The following PHTF2 variants were observed in gnomAD, a reference collection of about 807,000 sequenced individuals.
PHTF2 encodes the protein protein PHTF2.
Under a neutral mutation model 101.2 loss-of-function variants are expected in PHTF2, and 60 were observed. The ratio of observed to expected loss-of-function variants is 0.59; its 90% CI spans 0.48 to 0.73. The LOEUF is 0.73. Among genes scored for constraint, PHTF2 ranks in the 30% least tolerant of loss-of-function variants. PHTF2 has a pLI of 0.00. For synonymous variants in PHTF2, 311 were observed against 307.3 expected (o/e 1.01, Z -0.13); for missense variants, 747 against 908.7 (o/e 0.82, Z 2.29).
intron 9 of PHTF2, among the ~76,000 whole-genome samples, chr7:77,917,305 A>C (rs903502673): frequency 6.6e-6 from 1 of 152,166 alleles, no homozygotes. Context: ...CCTCTGTCCC[A>C]GCCTAGAATC....
At chr7:77,948,830 G>C (rs1806298971) in intron 16 of PHTF2, among the ~76,000 whole-genome samples, 1 of 152,180 alleles carries the variant, frequency 6.6e-6, no homozygotes, top group Non-Finnish European at 1.5e-5. Context: ...ATACACTGCT[G>C]AGAGTATAAA....
intron 1 of PHTF2, among the ~76,000 whole-genome samples, chr7:77,836,748 C>T (rs1019529229): frequency 1.3e-5 from 2 of 150,724 alleles, no homozygotes; most frequent in South Asian, 2.1e-4. Flanking sequence ...TGTTCTCACT[C>T]ATAAGTGGGA....
At chr7:77,914,785 G>C (rs1229330659) in intron 9 of PHTF2, among the ~76,000 whole-genome samples, 1 of 152,104 alleles carries the variant, frequency 6.6e-6, no homozygotes, top group Non-Finnish European at 1.5e-5. Context: ...GACATTTTCT[G>C]GTAGTATTAA....
At chr7:77,829,024 T>TA (rs1794890915) in intron 1 of PHTF2, among the ~76,000 whole-genome samples, 1 of 151,032 alleles carries the variant, frequency 6.6e-6, no homozygotes, top group Non-Finnish European at 1.5e-5. Flanking sequence ...AGTTAAAAAA[T>TA]AAAAAATATT....
At chr7:77,889,022 A>T (rs1800125124) in intron 3 of PHTF2, among the ~76,000 whole-genome samples, 1 of 152,224 alleles carries the variant, frequency 6.6e-6, no homozygotes, top group Non-Finnish European at 1.5e-5. Flanking sequence ...TGTGTGTTAG[A>T]GGTAAAATAG....
intron 1 of PHTF2, among the ~76,000 whole-genome samples, chr7:77,832,322 A>G (rs747053882): frequency 1.3e-5 from 2 of 152,192 alleles, no homozygotes; most frequent in African/African-American, 4.8e-5. Context: ...CAGCTGGTGC[A>G]TGATCACCTA....
At chr7:77,889,122 T>C (rs1206888766) in intron 3 of PHTF2, among the ~76,000 whole-genome samples, 1 of 152,202 alleles carries the variant, frequency 6.6e-6, no homozygotes. Context: ...GAGAAGATGG[T>C]TATTCTCTTT....
intron 1 of PHTF2, among the ~76,000 whole-genome samples, chr7:77,823,382 AGCTAATTTTTG>A (rs1794461261): frequency 1.3e-5 from 2 of 150,912 alleles, no homozygotes; most frequent in African/African-American, 4.9e-5. Context: ...CACCACACCC[AGCTAATTTTTG>A]TATTTTTAGT....
intron 1 of PHTF2, among the ~76,000 whole-genome samples, chr7:77,814,560 G>A (rs1793700301): frequency 6.7e-6 from 1 of 149,120 alleles, no homozygotes. Context: ...TCGCCAGGCT[G>A]GAGTGCAGTG....
chr7:77,884,321 A>C (rs942517189), intron 3 of PHTF2, among the ~76,000 whole-genome samples: 2 of 152,104 alleles, frequency 1.3e-5, no homozygotes, highest in Non-Finnish European at 2.9e-5. Flanking sequence ...ATTTCATTGT[A>C]CCTGTTACCT....
chr7:77,807,196 A>G (rs939519390), intron 1 of PHTF2, among the ~76,000 whole-genome samples: 1 of 152,146 alleles, frequency 6.6e-6, no homozygotes, highest in Non-Finnish European at 1.5e-5. Context: ...TATGAATATG[A>G]GTGTGTAAAT....
intron 1 of PHTF2, among the ~76,000 whole-genome samples, chr7:77,799,313 G>C (rs1381488719): frequency 6.6e-6 from 1 of 152,188 alleles, no homozygotes; most frequent in East Asian, 1.9e-4. Flanking sequence ...CCTGTCCTTT[G>C]CTTCCTTCCC....
intron 1 of PHTF2, among the ~76,000 whole-genome samples, chr7:77,832,143 A>G (rs1036291315): frequency 6.6e-6 from 1 of 152,124 alleles, no homozygotes; most frequent in Non-Finnish European, 1.5e-5. Flanking sequence ...TGCTCAAAGA[A>G]CTCAGCTTGT....
At chr7:77,885,557 G>C (rs947049831) in intron 3 of PHTF2, among the ~76,000 whole-genome samples, 5 of 151,980 alleles carry the variant, frequency 3.3e-5, no homozygotes, top group African/African-American at 1.2e-4. Flanking sequence ...TGATTCTCCT[G>C]CCTCAGCCTC....
chr7:77,840,108 C>T (rs1011260603), intron 1 of PHTF2, 113 bp from the exon 2 acceptor site: 5 of 520,854 alleles, frequency 9.6e-6, no homozygotes, highest in African/African-American at 5.8e-5. Context: ...ATATAAGTCT[C>T]GTCATACACC....
intron 3 of PHTF2, among the ~76,000 whole-genome samples, chr7:77,864,713 G>T (rs571275432): frequency 6.6e-6 from 1 of 151,610 alleles, no homozygotes. Context: ...ACTGGATTAG[G>T]TATCTCCTCC....
intron 9 of PHTF2, among the ~76,000 whole-genome samples, chr7:77,914,253 C>A (rs966533232): frequency 6.6e-6 from 1 of 152,036 alleles, no homozygotes; most frequent in African/African-American, 2.4e-5. Context: ...AAGGAGGGTA[C>A]AATGATCTCT....
chr7:77,930,415 G>A (rs750246803), intron 12 of PHTF2, among the ~76,000 whole-genome samples: 1 of 152,002 alleles, frequency 6.6e-6, no homozygotes, highest in Non-Finnish European at 1.5e-5. Flanking sequence ...TCAAAATTTT[G>A]GTGAATGACA....
chr7:77,947,423 C>T (rs941764166), intron 16 of PHTF2, among the ~76,000 whole-genome samples: 10 of 151,860 alleles, frequency 6.6e-5, no homozygotes, highest in African/African-American at 1.9e-4. Flanking sequence ...ATTAGCCCGT[C>T]GCGGTGGTCC....
Sources: allele counts gnomAD v4.1 joint callset (sites outside exome capture counted in the v4.1 genomes callset), GRCh38; gene constraint gnomAD v4.1.1; transcripts MANE v1.5; gene names NCBI Gene and HGNC (gene_info 2026-07-23, HGNC 2026-07-21).